EHHADH: variants seen among roughly 807,000 people sequenced by gnomAD.
EHHADH encodes the protein peroxisomal bifunctional enzyme.
Under a neutral mutation model 64.4 loss-of-function variants are expected in EHHADH, and 48 were observed. The observed-to-expected ratio is 0.75, with a 90% CI of 0.59 to 0.95. The LOEUF (loss-of-function observed/expected upper bound fraction) is 0.95. Among genes scored for constraint, EHHADH ranks in the 40% least tolerant of loss-of-function variants. The probability of loss-of-function intolerance (pLI) is 0.00; values close to 1 mark genes in which losing one functional copy is unlikely to be tolerated. For missense variants in EHHADH, 854 were observed against 876.6 expected (o/e 0.97, Z 0.33); for synonymous variants, 308 against 326.7 (o/e 0.94, Z 0.62).
At position 185,248,470 on chromosome 3, in the gene EHHADH, A is replaced by G. The variant is rs1062552; in HGVS notation, c.122T>C (p.Ile41Thr). The change falls in exon 2 of 7, where the codon ATA becomes ACA. Residue 41 changes from isoleucine (I) to threonine (T), a missense_variant. Ile to Thr is a moderately conservative substitution (Grantham distance 89). Coordinates refer to ENST00000231887, the MANE Select transcript of EHHADH (RefSeq NM_001966.4). ...DIKEGLQKAV[I>T]DHTIKAIVIC... ...CACAATGGCTTTTATTGTATGGTCT[A>G]TTACAGCTTTCTGTAGTCCTTCTTT... The G allele has an allele frequency of 6.2e-7, 1 of 1,614,068 alleles. No homozygotes were observed. The highest frequency in any genetic ancestry group is 1.7e-5 in the Admixed American group (1 of 60,006).
At chr3:185,246,379 G>A in intron 2 of EHHADH, 1 of 650,276 alleles carries the variant, frequency 1.5e-6, no homozygotes, top group South Asian at 2.1e-5. Flanking sequence ...AACATAAAAG[G>A]CTTCTTCTTC....
chr3:185,232,820 C>T (rs1162611311), intron 3 of EHHADH, among the ~76,000 whole-genome samples: 1 of 152,144 alleles, frequency 6.6e-6, no homozygotes, highest in Admixed American at 6.5e-5. Context: ...GGCCAGAAGG[C>T]ATGAAATAAC....
chr3:185,192,535 T>C lies in EHHADH; in HGVS notation c.1863A>G (p.Glu621=), dbSNP rs746911697. Residue 621 remains glutamate, a synonymous_variant, in exon 7 of 7, where the codon GAA becomes GAG. Coordinates refer to ENST00000231887, the MANE Select transcript of EHHADH (RefSeq NM_001966.4). ...PRTISQDEIL[E]RCLYSLINEA... is the part of the protein sequence containing the mutation. ...CATTGATAAGTGAATATAAGCAGCG[T>C]TCAAGGATCTCATCCTGGCTAATGG... is the stretch of plus-strand genomic sequence containing the variant. 5 of 1,614,060 alleles carry C rather than the reference T, an allele frequency of 3.1e-6. No individual in the cohort carries two copies. Among genetic ancestry groups the C allele is most frequent in the Non-Finnish European group, 4.2e-6 (5 of 1,180,042 alleles).
At position 185,234,846 on chromosome 3, in the gene EHHADH, C is replaced by T. The variant is rs1468917960; in HGVS notation, c.351+444G>A. ...AACAATTAGTACCACTGTACTGGCA[C>T]GTAACAGCTGAAGTCGTTAACCAGT... On this transcript the variant is annotated intron_variant, in intron 3 of 6. Coordinates refer to ENST00000231887, the MANE Select transcript of EHHADH (RefSeq NM_001966.4). 2.6e-5 allele frequency among the ~76,000 whole-genome samples: 4 copies of T among 152,294 alleles called. No homozygotes were observed. The East Asian group carries it at 5.8e-4, about 22-fold the overall frequency.
chr3:185,251,326 C>T, intron 1 of EHHADH, among the ~76,000 whole-genome samples: 1 of 151,866 alleles, frequency 6.6e-6, no homozygotes, highest in South Asian at 2.1e-4. Flanking sequence ...CTATATCAAA[C>T]AATATACCAA....
intron 6 of EHHADH, 147 bp downstream of exon 6, chr3:185,204,269 G>T (rs1340709564): frequency 1.5e-6 from 1 of 684,168 alleles, no homozygotes; most frequent in Non-Finnish European, 2.4e-6. Flanking sequence ...TGTTAAAGAA[G>T]AGAGCTCATG....
At chr3:185,232,231 T>C (rs1719154929) in intron 3 of EHHADH, among the ~76,000 whole-genome samples, 1 of 152,170 alleles carries the variant, frequency 6.6e-6, no homozygotes, top group African/African-American at 2.4e-5. Context: ...CACCATTCTT[T>C]CCATCACTGC....
At chr3:185,247,193 G>A (rs1334981025) in intron 2 of EHHADH, among the ~76,000 whole-genome samples, 4 of 151,996 alleles carry the variant, frequency 2.6e-5, no homozygotes, top group Non-Finnish European at 5.9e-5. Context: ...TCCCATTTTG[G>A]GGTGCATTGT....
chr3:185,210,094 G>C (rs1278129656), intron 5 of EHHADH, among the ~76,000 whole-genome samples: 1 of 152,168 alleles, frequency 6.6e-6, no homozygotes, highest in Admixed American at 6.5e-5. Context: ...AGGCACAAGC[G>C]GAGGAGGAAG....
At chr3:185,213,990 C>T (rs1392549911) in intron 5 of EHHADH, among the ~76,000 whole-genome samples, 2 of 151,778 alleles carry the variant, frequency 1.3e-5, no homozygotes, top group African/African-American at 4.8e-5. Context: ...AATAAATAGG[C>T]CTCCTTAAAT....
chr3:185,252,797 T>C (rs1456596556), intron 1 of EHHADH, among the ~76,000 whole-genome samples: 1 of 152,216 alleles, frequency 6.6e-6, no homozygotes, highest in Admixed American at 6.5e-5. Flanking sequence ...TCAGTCTCTT[T>C]GCTTCAGCAG....
chr3:185,197,706 C>T (rs1718102903), intron 6 of EHHADH, among the ~76,000 whole-genome samples: 1 of 152,166 alleles, frequency 6.6e-6, no homozygotes, highest in Admixed American at 6.5e-5. Flanking sequence ...TCAATGGATA[C>T]TTGGGTTGCT....
intron 1 of EHHADH, among the ~76,000 whole-genome samples, chr3:185,253,656 G>A (rs1346096141): frequency 6.6e-6 from 1 of 151,390 alleles, no homozygotes; most frequent in Non-Finnish European, 1.5e-5. Context: ...GACAGGTCGA[G>A]GCCAACTCCC....
At chr3:185,253,315 C>G (rs1211169957) in intron 1 of EHHADH, 4 of 144,718 alleles carry the variant, frequency 2.8e-5, no homozygotes, top group African/African-American at 1.0e-4. Flanking sequence ...ATTGTAAGGA[C>G]AGCCTGGACT....
Position 185,201,085 on chromosome 3 carries a change from G to A in EHHADH, c.910+3331C>T, listed in dbSNP as rs141865942. On this transcript the variant is annotated intron_variant, in intron 6 of 6. Transcript: ENST00000231887. ...AAGAAAGATACAAGGAAAGATATGAGGTGGTGGTGGTAGTGAAGAGAGGGG... is the reference window on the plus strand; with the variant it reads ...AAGAAAGATACAAGGAAAGATATGAAGTGGTGGTGGTAGTGAAGAGAGGGG... 3.9e-5 allele frequency among the ~76,000 whole-genome samples: 6 copies of A among 152,300 alleles called. No individual in the cohort carries two copies. The East Asian group carries it at 1.2e-3, about 29-fold the overall frequency.
At chr3:185,221,879 C>G (rs1718844570) in intron 4 of EHHADH, among the ~76,000 whole-genome samples, 1 of 151,856 alleles carries the variant, frequency 6.6e-6, no homozygotes, top group African/African-American at 2.4e-5. Context: ...CGGCCCGCCT[C>G]ACATTATTTT....
intron 5 of EHHADH, among the ~76,000 whole-genome samples, chr3:185,212,135 A>G (rs560513930): frequency 6.6e-6 from 1 of 152,358 alleles, no homozygotes; most frequent in African/African-American, 2.4e-5. Flanking sequence ...GCACATGAGA[A>G]CAGGAGTTCT....
chr3:185,193,144 A>T lies in EHHADH; in HGVS notation c.1254T>A (p.Ile418=). The T allele has an allele frequency of 6.2e-7, 1 of 1,613,248 alleles. No individual in the cohort carries two copies. Residue 418 remains isoleucine (I), a synonymous_variant, in exon 7 of 7, where the codon ATT becomes ATA. Transcript: ENST00000231887. ...TNTSALDVDE[I]ASSTDRPHLV... ...AGTGAGGACGATCAGTGGAAGAAGCAATCTCATCAACATCCAGGGCTGAAG... is the reference window on the plus strand; with the variant it reads ...AGTGAGGACGATCAGTGGAAGAAGCTATCTCATCAACATCCAGGGCTGAAG...
intron 4 of EHHADH, among the ~76,000 whole-genome samples, chr3:185,224,910 C>G (rs1181348482): frequency 6.6e-6 from 1 of 152,136 alleles, no homozygotes; most frequent in East Asian, 1.9e-4. Flanking sequence ...ATCTCCCTCT[C>G]AAGATCTTTA....
Sources: allele counts gnomAD v4.1 joint callset (sites outside exome capture counted in the v4.1 genomes callset), GRCh38; gene constraint gnomAD v4.1.1; transcripts MANE v1.5; gene names NCBI Gene and HGNC (gene_info 2026-07-23, HGNC 2026-07-21).